Variants in ZC3H13 observed in about 807,000 individuals in gnomAD.
The protein encoded by ZC3H13 is zinc finger CCCH-type containing 13.
Under a neutral mutation model 204.1 loss-of-function variants are expected in ZC3H13, and 64 were observed. The ratio of observed to expected loss-of-function variants is 0.31; its 90% confidence interval spans 0.26 to 0.39. The LOEUF (loss-of-function observed/expected upper bound fraction) is 0.39. ZC3H13 is among the 10% of genes least tolerant of loss of function. The pLI, the probability that ZC3H13 is intolerant of heterozygous loss-of-function variation, is 1.00. For missense variants in ZC3H13, 1,833 were observed against 2,082.7 expected, an observed-to-expected ratio of 0.88 and a Z score of 2.33; for synonymous variants, 667 against 693.7, an observed-to-expected ratio of 0.96 and a Z score of 0.60.
chr13:46,052,009 A>C (rs1593864620), intron 1 of ZC3H13: 1 of 151,618 alleles, frequency 6.6e-6, no homozygotes, highest in Non-Finnish European at 1.5e-5. Context: ...AAAAAAAAAA[A>C]CAAGACCAAT....
At position 45,979,966 on chromosome 13, in the gene ZC3H13, T is replaced by C. The variant is rs1472139537; in HGVS notation, c.1759A>G (p.Ser587Gly). 6.2e-6 allele frequency: 10 copies of C among 1,608,586 alleles called. No individual in the cohort carries two copies. Among genetic ancestry groups the C allele is most frequent in the Non-Finnish European group, 8.5e-6 (10 of 1,178,114 alleles). Residue 587 changes from serine (S) to glycine (G), a missense_variant, in exon 11 of 19, where the codon AGT (serine) becomes GGT (glycine). Coordinates refer to ENST00000679008, the MANE Select transcript of ZC3H13 (RefSeq NM_001330564.2). ...CTGTCATGATAGTTGCTATTACTAC[T>C]GTGACTATCAATTTGAGAACCTCTT... ...GSRGSQIDSH[S>G]SNSNYHDSWE...
chr13:45,995,044 A>G (rs984992643), intron 8 of ZC3H13, among the ~76,000 whole-genome samples: 1 of 151,298 alleles, frequency 6.6e-6, no homozygotes, highest in African/African-American at 2.4e-5. Flanking sequence ...ACCACCTGGC[A>G]CCAGACCACA....
chr13:46,043,324 A>C (rs1157624823), intron 3 of ZC3H13, among the ~76,000 whole-genome samples: 1 of 152,006 alleles, frequency 6.6e-6, no homozygotes, highest in African/African-American at 2.4e-5. Flanking sequence ...GGATCTCATT[A>C]ATGTTTACAT....
intron 8 of ZC3H13, among the ~76,000 whole-genome samples, chr13:45,993,621 T>C (rs556159532): frequency 8.5e-5 from 13 of 152,334 alleles, no homozygotes; most frequent in African/African-American, 3.1e-4. Context: ...TGGAGAGTGA[T>C]AGGTGGTTAA....
At chr13:46,034,714 T>C (rs1450031207) in intron 4 of ZC3H13, among the ~76,000 whole-genome samples, 1 of 151,918 alleles carries the variant, frequency 6.6e-6, no homozygotes, top group Admixed American at 6.6e-5. Flanking sequence ...TTAAAATGGG[T>C]GCATTTCAAT....
chr13:46,026,295 C>T (rs2042540501), intron 4 of ZC3H13, among the ~76,000 whole-genome samples: 1 of 152,026 alleles, frequency 6.6e-6, no homozygotes, highest in Non-Finnish European at 1.5e-5. Flanking sequence ...ATAGTTAATA[C>T]TTCTGTATCT....
chr13:45,958,639 A>C (rs1951439267), intron 18 of ZC3H13, among the ~76,000 whole-genome samples: 1 of 146,890 alleles, frequency 6.8e-6, no homozygotes, highest in African/African-American at 2.5e-5. Context: ...ACCCCAAATA[A>C]AAATCCCAGT....
chr13:46,010,298 A>C (rs1259642483), intron 7 of ZC3H13, 50 bp downstream of exon 7: 1 of 1,475,730 alleles, frequency 6.8e-7, no homozygotes, highest in Admixed American at 2.0e-5. Flanking sequence ...TCTTTTTAGT[A>C]TCACTTCAGA....
intron 4 of ZC3H13, among the ~76,000 whole-genome samples, chr13:46,029,564 G>A (rs962856931): frequency 3.3e-5 from 5 of 151,432 alleles, no homozygotes; most frequent in Non-Finnish European, 7.4e-5. Flanking sequence ...GAGTAGCTGG[G>A]ACTACAGGCG....
chr13:45,980,984 G>A (rs892990388), intron 10 of ZC3H13, among the ~76,000 whole-genome samples: 3 of 152,182 alleles, frequency 2.0e-5, no homozygotes, highest in African/African-American at 7.2e-5. Context: ...GATGTTAGAT[G>A]TTAACACTGG....
intron 8 of ZC3H13, among the ~76,000 whole-genome samples, chr13:45,997,944 T>C (rs1566242093): frequency 6.6e-6 from 1 of 152,154 alleles, no homozygotes; most frequent in African/African-American, 2.4e-5. Context: ...AACAAAACTT[T>C]TGGAAACACT....
chr13:46,022,573 TC>T (rs1566306632), intron 4 of ZC3H13, among the ~76,000 whole-genome samples: 4 of 152,144 alleles, frequency 2.6e-5, no homozygotes. Context: ...TTCTCTTAAA[TC>T]CAAACATATT....
In ZC3H13 at chr13:46,052,471, G is replaced by T. The variant is rs1220698525; in HGVS notation, c.-77C>A. ...ACCGCCGCCGCCGCTCCGAGGAGCG[G>T]GGGAGGCGACTCTGTCCCCGCGCCT... On this transcript the variant is annotated 5_prime_UTR_variant, in exon 1 of 19. Transcript: ENST00000679008. 2.5e-6 allele frequency: 1 copy of T among 398,290 alleles called. No individual in the cohort carries two copies. Among genetic ancestry groups the T allele is most frequent in the Non-Finnish European group, 4.4e-6 (1 of 226,048 alleles). The allele number at this position is 398,290 out of a possible 1,614,324, so 24.7% of individuals were successfully genotyped here.
chr13:46,025,746 T>C (rs950326264), intron 4 of ZC3H13, among the ~76,000 whole-genome samples: 3 of 152,232 alleles, frequency 2.0e-5, no homozygotes, highest in East Asian at 3.8e-4. Flanking sequence ...TTAATGTTAA[T>C]ACCAATTTTT....
rs1223655066 is a variant in ZC3H13 at position 45,988,920 on chromosome 13, A to G, written c.1122T>C (p.Tyr374=). 1.5e-5 allele frequency: 25 copies of G among 1,614,016 alleles called. No homozygotes were observed. Among genetic ancestry groups the G allele is most frequent in the Non-Finnish European group, 2.1e-5 (25 of 1,180,038 alleles). The change falls in exon 9 of 19, where the codon TAT becomes TAC. Residue 374 remains tyrosine, a synonymous_variant. Transcript: ENST00000679008. The part of the protein sequence containing the change: ...TPPLRRSASP[Y]PSHSLSSPQR... The stretch of plus-strand genomic sequence containing the variant: ...GGGGAGACGACAAAGAATGTGAAGG[A>G]TAAGGAGAGGCAGAGCGTCGTAAAG...
chr13:45,957,171 T>TA lies in ZC3H13; in HGVS notation c.4965dup (p.Lys1656Ter). The TA allele has an allele frequency of 6.5e-7, 1 of 1,547,604 alleles. No homozygotes were observed. The highest frequency in any genetic ancestry group is 1.2e-5 in the South Asian group (1 of 83,172). On this transcript the variant is annotated frameshift_variant, in exon 19 of 19. Coordinates refer to ENST00000679008, the MANE Select transcript of ZC3H13 (RefSeq NM_001330564.2). LOFTEE classifies it high-confidence loss of function. ...TGTTGGATACTGGACTGTGAAAGTT[T>TA]ATTATCTTCAGTCTTTTCATGTCCT...
intron 5 of ZC3H13, among the ~76,000 whole-genome samples, chr13:46,018,950 TATA>T (rs2138788374): frequency 6.6e-6 from 1 of 152,312 alleles, no homozygotes; most frequent in East Asian, 1.9e-4. Context: ...AGTTATGGTT[TATA>T]ATATTTTATT....
chr13:45,960,077 G>A (rs1331074051), intron 17 of ZC3H13, among the ~76,000 whole-genome samples: 1 of 151,908 alleles, frequency 6.6e-6, no homozygotes. Context: ...TCAGCTTCCC[G>A]AGTAGCTGGG....
chr13:46,021,677 C>T (rs879311360), intron 4 of ZC3H13, among the ~76,000 whole-genome samples: 52 of 151,062 alleles, frequency 3.4e-4, no homozygotes, highest in Admixed American at 1.3e-3. Flanking sequence ...CAGAGGCTGA[C>T]GAAAATAATT....
Sources: allele counts gnomAD v4.1 joint callset (sites outside exome capture counted in the v4.1 genomes callset), GRCh38; gene constraint gnomAD v4.1.1; transcripts MANE v1.5; gene names NCBI Gene and HGNC (gene_info 2026-07-23, HGNC 2026-07-21).